ADAMTS6: variants seen among roughly 807,000 people sequenced by gnomAD.
The protein encoded by ADAMTS6 is ADAM metallopeptidase with thrombospondin type 1 motif 6.
In ADAMTS6, 23 loss-of-function variants were observed where a neutral mutation model predicts 144.3. The observed-to-expected ratio is 0.16, with a 90% CI of 0.11 to 0.23. The LOEUF (loss-of-function observed/expected upper bound fraction) is 0.23, where lower values mean the gene tolerates loss of function less well. Ranked by LOEUF, ADAMTS6 falls within the 10% of genes least tolerant of loss-of-function variation. The pLI is 1.00. For missense variants in ADAMTS6, 999 were observed against 1,379.6 expected (o/e 0.72, Z 4.37); for synonymous variants, 444 against 457.5 (o/e 0.97, Z 0.38).
chr5:65,441,042 T>C (rs1757822445), intron 7 of ADAMTS6, among the ~76,000 whole-genome samples: 1 of 152,130 alleles, frequency 6.6e-6, no homozygotes, highest in African/African-American at 2.4e-5. Flanking sequence ...AAAGAAATTG[T>C]CAATTGAAAC....
intron 7 of ADAMTS6, among the ~76,000 whole-genome samples, chr5:65,421,228 A>G (rs187192511): frequency 2.0e-5 from 3 of 151,936 alleles, no homozygotes; most frequent in African/African-American, 4.8e-5. Context: ...AAGATTTAGA[A>G]CTCCTTTTAG....
At position 65,266,605 on chromosome 5, in the gene ADAMTS6, T is replaced by A. The variant is rs548778077; in HGVS notation, c.1621-3643A>T. On this transcript the variant is annotated intron_variant, in intron 12 of 24. Transcript: ENST00000381055. ...AGCAATATCTTTGATCCAAAGCAAG[T>A]CACTTTTCTTTCTTCTCTTTTGTTT... Among the ~76,000 whole-genome samples, 11 of 152,082 alleles carry A rather than the reference T, an allele frequency of 7.2e-5. No individual in the cohort carries two copies. In the East Asian group the frequency reaches 2.1e-3, roughly 29 times the overall value.
chr5:65,202,482 T>C lies in ADAMTS6; in HGVS notation c.2576-5331A>G, dbSNP rs191225825. Among the ~76,000 whole-genome samples, 7 of 152,220 alleles carry C rather than the reference T, an allele frequency of 4.6e-5. No individual in the cohort carries two copies. In the East Asian group the frequency reaches 1.2e-3, roughly 25 times the overall value. On this transcript the variant is annotated intron_variant, in intron 20 of 24. Transcript: ENST00000381055. ...TCTAATGTATACTTTTTTAGTACTA[T>C]AAGGGAGAAAGTTACTGAGTAAGAC...
At chr5:65,467,139 G>A (rs1380475450) in intron 3 of ADAMTS6, among the ~76,000 whole-genome samples, 1 of 150,900 alleles carries the variant, frequency 6.6e-6, no homozygotes, top group Non-Finnish European at 1.5e-5. Flanking sequence ...ATCAACTGAA[G>A]GAAAAGAAGA....
chr5:65,403,461 T>A (rs1431139532), intron 7 of ADAMTS6, among the ~76,000 whole-genome samples: 1 of 152,138 alleles, frequency 6.6e-6, no homozygotes, highest in Non-Finnish European at 1.5e-5. Context: ...TGATCAAGAA[T>A]TCTCGATCTT....
intron 7 of ADAMTS6, among the ~76,000 whole-genome samples, chr5:65,346,555 C>G (rs547507654): frequency 6.8e-4 from 103 of 151,548 alleles, no homozygotes; most frequent in African/African-American, 2.5e-3. Context: ...GTTTTTGTCT[C>G]TAAGATTAGA....
At chr5:65,275,456 AAGAAAGAAAG>A (rs1330699949) in intron 11 of ADAMTS6, among the ~76,000 whole-genome samples, 2 of 151,230 alleles carry the variant, frequency 1.3e-5, no homozygotes, top group East Asian at 1.9e-4. Context: ...AAGAGAAAGA[AAGAAAGAAAG>A]AGAAAGAAAG....
intron 9 of ADAMTS6, among the ~76,000 whole-genome samples, chr5:65,312,167 T>A (rs1459668964): frequency 6.6e-6 from 1 of 151,998 alleles, no homozygotes; most frequent in Non-Finnish European, 1.5e-5. Flanking sequence ...ATATGATTAA[T>A]TTTTTCTTTA....
chr5:65,334,660 T>G (rs190355207), intron 7 of ADAMTS6, among the ~76,000 whole-genome samples: 1 of 152,302 alleles, frequency 6.6e-6, no homozygotes, highest in East Asian at 1.9e-4. Context: ...ATACAAATAT[T>G]TTTAAGTGAT....
intron 7 of ADAMTS6, among the ~76,000 whole-genome samples, chr5:65,425,522 G>T (rs1756437956): frequency 6.6e-6 from 1 of 152,012 alleles, no homozygotes; most frequent in Non-Finnish European, 1.5e-5. Context: ...CTCCCTCTTG[G>T]CTTTCACGTA....
chr5:65,362,639 A>T (rs1468369505), intron 7 of ADAMTS6, among the ~76,000 whole-genome samples: 1 of 152,194 alleles, frequency 6.6e-6, no homozygotes, highest in East Asian at 1.9e-4. Context: ...AGTACTCTAC[A>T]TGTTTCAGAT....
intron 20 of ADAMTS6, among the ~76,000 whole-genome samples, chr5:65,201,291 ACTC>A (rs1263275942): frequency 6.6e-6 from 1 of 151,450 alleles, no homozygotes; most frequent in African/African-American, 2.4e-5. Context: ...CAGTCCCTCT[ACTC>A]CTCTTATTAG....
At position 65,210,405 on chromosome 5, in the gene ADAMTS6, C is replaced by T. The variant is rs192011145; in HGVS notation, c.2575+4389G>A. On this transcript the variant is annotated intron_variant, in intron 20 of 24. Transcript: ENST00000381055. Reference sequence around the variant, plus strand: ...GGCGGAGCTTGCAGTGAGTCGAGATCGCGCCACTGCACTCCAGCCTGGGCG... The same window carrying T: ...GGCGGAGCTTGCAGTGAGTCGAGATTGCGCCACTGCACTCCAGCCTGGGCG... The T allele has an allele frequency of 3.9e-3, 668 of 171,644 alleles. 9 individuals are homozygous for T. Among genetic ancestry groups the T allele is most frequent in the African/African-American group, 0.016 (641 of 38,974 alleles). 10.6% of individuals were successfully genotyped at this position (171,644 alleles called of 1,614,324 possible).
chr5:65,202,757 T>C (rs1755818236), intron 20 of ADAMTS6, among the ~76,000 whole-genome samples: 1 of 152,200 alleles, frequency 6.6e-6, no homozygotes, highest in African/African-American at 2.4e-5. Context: ...CCAAATGATA[T>C]TACCTTTCAC....
In ADAMTS6 at chr5:65,473,775, T is replaced by C; in HGVS notation, c.-102A>G. ...AACAATTTTATTTCTTTAAAACTTC[T>C]TGCAAATTAGTTATTGGATGTTCCA... On this transcript the variant is annotated 5_prime_UTR_variant, in exon 2 of 25. Transcript: ENST00000381055. The C allele has an allele frequency of 1.1e-6, 1 of 904,868 alleles. No individual in the cohort carries two copies. Among genetic ancestry groups the C allele is most frequent in the Non-Finnish European group, 1.8e-6 (1 of 569,148 alleles). 56.1% of individuals were successfully genotyped at this position (904,868 alleles called of 1,614,324 possible). A position where few individuals can be genotyped will look rare whatever the true frequency, so the allele number is the denominator to read the frequency against.
chr5:65,468,613 T>C (rs574283084), intron 3 of ADAMTS6, among the ~76,000 whole-genome samples: 1 of 152,268 alleles, frequency 6.6e-6, no homozygotes, highest in East Asian at 1.9e-4. Flanking sequence ...TAATCAAACT[T>C]AGTTAACACG....
At chr5:65,385,917 A>C (rs932492616) in intron 7 of ADAMTS6, among the ~76,000 whole-genome samples, 2 of 152,212 alleles carry the variant, frequency 1.3e-5, no homozygotes, top group African/African-American at 2.4e-5. Flanking sequence ...ACCACTGCTT[A>C]TTTTGGCTGA....
At chr5:65,409,037 A>G (rs1317600402) in intron 7 of ADAMTS6, among the ~76,000 whole-genome samples, 1 of 152,224 alleles carries the variant, frequency 6.6e-6, no homozygotes, top group African/African-American at 2.4e-5. Flanking sequence ...AATGCCCACA[A>G]GAGAAAGCAG....
At chr5:65,468,382 T>G (rs2150279395) in intron 3 of ADAMTS6, among the ~76,000 whole-genome samples, 1 of 149,048 alleles carries the variant, frequency 6.7e-6, no homozygotes, top group Non-Finnish European at 1.5e-5. Context: ...GAGGTTGCAG[T>G]GAGCCAAGAT....
Sources: allele counts gnomAD v4.1 joint callset (sites outside exome capture counted in the v4.1 genomes callset), GRCh38; gene constraint gnomAD v4.1.1; transcripts MANE v1.5; gene names NCBI Gene and HGNC (gene_info 2026-07-23, HGNC 2026-07-21).